Variants in SLC25A31 observed in about 807,000 individuals in gnomAD.
SLC25A31 encodes the protein solute carrier family 25 member 31.
Under a neutral mutation model 36.2 loss-of-function variants are expected in SLC25A31, and 40 were observed. That is an observed-to-expected ratio of 1.10 (90% CI 0.86 to 1.44). The LOEUF (loss-of-function observed/expected upper bound fraction) is 1.44, where lower values mean the gene tolerates loss of function less well. SLC25A31 is among the 40% of genes most tolerant of loss of function. The probability of loss-of-function intolerance (pLI) is 0.00; values close to 1 mark genes in which losing one functional copy is unlikely to be tolerated. For missense variants in SLC25A31, 350 were observed against 397.1 expected (o/e 0.88, Z 1.01); for synonymous variants, 143 against 149.7 (o/e 0.96, Z 0.32).
intron 2 of SLC25A31, among the ~76,000 whole-genome samples, chr4:127,758,643 T>G (rs1455717094): frequency 1.3e-5 from 2 of 152,238 alleles, no homozygotes; most frequent in African/African-American, 4.8e-5. Flanking sequence ...GAATTAATGT[T>G]TGTATATGGT....
At chr4:127,768,668 T>G (rs1271677020) in intron 4 of SLC25A31, 84 bp from the exon 5 acceptor site, 2 of 1,213,860 alleles carry the variant, frequency 1.6e-6, no homozygotes, top group Non-Finnish European at 2.2e-6. Context: ...CTCTTTCATA[T>G]ATTTATAAAA....
chr4:127,738,664 T>C (rs1731678457), intron 1 of SLC25A31, among the ~76,000 whole-genome samples: 1 of 152,192 alleles, frequency 6.6e-6, no homozygotes, highest in Non-Finnish European at 1.5e-5. Flanking sequence ...AATTTCTATG[T>C]TCATTTTCTG....
intron 1 of SLC25A31, among the ~76,000 whole-genome samples, chr4:127,732,783 T>G (rs72616940): frequency 0.03 from 4,528 of 152,270 alleles, 292 homozygotes; most frequent in East Asian, 0.26. Flanking sequence ...CCATGGTGTA[T>G]CCTATGCTAA....
Position 127,730,717 on chromosome 4 carries a change from AG to A in SLC25A31, c.173del (p.Ser58ThrfsTer42). 6.2e-7 allele frequency: 1 copy of A among 1,613,816 alleles called. No homozygotes were observed. Among genetic ancestry groups the A allele is most frequent in the Non-Finnish European group, 8.5e-7 (1 of 1,179,920 alleles). On this transcript the variant is annotated frameshift_variant, in exon 1 of 6. Transcript: ENST00000281154. LOFTEE classifies it high-confidence loss of function. ...GGTGCAGGCGTCGTCGAAGCAGATC[AG>A]CCCCGAGGCGCGGTACAAAGGCATG... ...LQVQASSKQI[S>X]PEARYKGMVD... is the part of the protein sequence containing the mutation.
At chr4:127,761,463 T>G (rs1438025551) in intron 2 of SLC25A31, among the ~76,000 whole-genome samples, 2 of 152,216 alleles carry the variant, frequency 1.3e-5, no homozygotes, top group Non-Finnish European at 2.9e-5. Flanking sequence ...CAGTGGCACT[T>G]GAATTTCAGC....
At chr4:127,771,309 T>A (rs935567274) in intron 5 of SLC25A31, among the ~76,000 whole-genome samples, 3 of 152,130 alleles carry the variant, frequency 2.0e-5, no homozygotes, top group African/African-American at 4.8e-5. Flanking sequence ...ACTCTTGTGA[T>A]CTCATTTAAT....
intron 2 of SLC25A31, among the ~76,000 whole-genome samples, chr4:127,748,744 T>C (rs1263469261): frequency 6.6e-6 from 1 of 152,162 alleles, no homozygotes; most frequent in East Asian, 1.9e-4. Flanking sequence ...TATATAGCAG[T>C]CCTATCAGTC....
At chr4:127,765,124 C>A (rs6834588) in intron 3 of SLC25A31, among the ~76,000 whole-genome samples, 107,081 of 152,032 alleles carry the variant, frequency 0.7, 38,119 homozygotes, top group Middle Eastern at 0.8. Flanking sequence ...CAACTGGCCC[C>A]GTTAAATCTG....
At chr4:127,771,639 G>A (rs1310400180) in intron 5 of SLC25A31, among the ~76,000 whole-genome samples, 2 of 152,088 alleles carry the variant, frequency 1.3e-5, no homozygotes, top group African/African-American at 4.8e-5. Flanking sequence ...CCCGGATTCA[G>A]TGTTATATTT....
intron 2 of SLC25A31, among the ~76,000 whole-genome samples, chr4:127,752,346 A>G (rs1731950853): frequency 6.6e-6 from 1 of 151,178 alleles, no homozygotes; most frequent in South Asian, 2.1e-4. Context: ...GCATGTTCTC[A>G]CTCATAGGTG....
chr4:127,766,375 C>T (rs968474159), intron 3 of SLC25A31, among the ~76,000 whole-genome samples: 6 of 151,932 alleles, frequency 3.9e-5, no homozygotes, highest in African/African-American at 1.2e-4. Flanking sequence ...ACTATCTTGC[C>T]CAGGCTGGTC....
chr4:127,749,107 C>G (rs994666115), intron 2 of SLC25A31, among the ~76,000 whole-genome samples: 3 of 150,442 alleles, frequency 2.0e-5, no homozygotes, highest in Non-Finnish European at 4.4e-5. Flanking sequence ...AACGGAAATC[C>G]TGGAGCTGAA....
At chr4:127,773,290 C>A in intron 5 of SLC25A31, 96 bp from the exon 6 acceptor site, 2 of 1,129,726 alleles carry the variant, frequency 1.8e-6, no homozygotes, top group Non-Finnish European at 2.5e-6. Flanking sequence ...CTACTCAACA[C>A]AGTGTTTATC....
chr4:127,770,161 G>A lies in SLC25A31; in HGVS notation c.759+1284G>A, dbSNP rs565758642. On this transcript the variant is annotated intron_variant, in intron 5 of 5. Transcript: ENST00000281154. ...TTAGAGTTATTCCATTTATGTCTGT[G>A]TTTCTTTTCTTTCTATAGCTAGCTC... 2.5e-4 allele frequency among the ~76,000 whole-genome samples: 38 copies of A among 152,232 alleles called. 1 individual carries two copies. Among genetic ancestry groups the A allele is most frequent in the Admixed American group, 5.9e-4 (9 of 15,302 alleles).
chr4:127,753,367 A>T (rs1449515849), intron 2 of SLC25A31, among the ~76,000 whole-genome samples: 1 of 152,216 alleles, frequency 6.6e-6, no homozygotes. Flanking sequence ...CTAGAGATAA[A>T]AGATTTTTAA....
intron 2 of SLC25A31, among the ~76,000 whole-genome samples, chr4:127,745,307 CTTT>C: frequency 6.7e-6 from 1 of 148,852 alleles, no homozygotes; most frequent in Non-Finnish European, 1.5e-5. Flanking sequence ...TGCAAGGATA[CTTT>C]TTTTTTTTTC....
intron 3 of SLC25A31, among the ~76,000 whole-genome samples, chr4:127,765,222 T>C (rs1045488186): frequency 6.6e-6 from 1 of 152,194 alleles, no homozygotes; most frequent in African/African-American, 2.4e-5. Flanking sequence ...ATCTCCCTGC[T>C]CCTTTGCTTT....
intron 2 of SLC25A31, among the ~76,000 whole-genome samples, chr4:127,754,696 C>T (rs1731997857): frequency 1.3e-5 from 2 of 152,044 alleles, no homozygotes; most frequent in South Asian, 2.1e-4. Flanking sequence ...GGAAGCTCAT[C>T]GTGTGTTCAT....
At position 127,774,260 on chromosome 4, in the gene SLC25A31, A is replaced by G. The variant is rs1732425178; in HGVS notation, c.*686A>G. 6.6e-6 allele frequency: 1 copy of G among 152,234 alleles called. No individual in the cohort carries two copies. The highest frequency in any genetic ancestry group is 1.5e-5 in the Non-Finnish European group (1 of 68,028). 9.4% of individuals were successfully genotyped at this position (152,234 alleles called of 1,614,324 possible). On this transcript the variant is annotated 3_prime_UTR_variant, in exon 6 of 6. Transcript: ENST00000281154. Reference sequence around the variant, plus strand: ...TATCCTCTTGAAAATTAGTTTGTATATTTTGTTGACAATAAAGGAAGCTTA... The same window carrying G: ...TATCCTCTTGAAAATTAGTTTGTATGTTTTGTTGACAATAAAGGAAGCTTA...
Sources: allele counts gnomAD v4.1 joint callset (sites outside exome capture counted in the v4.1 genomes callset), GRCh38; gene constraint gnomAD v4.1.1; transcripts MANE v1.5; gene names NCBI Gene and HGNC (gene_info 2026-07-23, HGNC 2026-07-21).